Variants in GNA14 observed in about 807,000 individuals in gnomAD.
GNA14 encodes G protein subunit alpha 14.
GNA14 carries 50 observed loss-of-function variants against 42.0 expected under a neutral mutation model. The ratio of observed to expected loss-of-function variants is 1.19; its 90% confidence interval spans 0.95 to 1.51. The LOEUF (loss-of-function observed/expected upper bound fraction) is 1.51, where lower values mean the gene tolerates loss of function less well. Among genes scored for constraint, GNA14 ranks in the 40% most tolerant of loss-of-function variants. The probability of loss-of-function intolerance (pLI) is 0.00; values close to 1 mark genes in which losing one functional copy is unlikely to be tolerated. For missense variants in GNA14, 473 were observed against 446.2 expected (o/e 1.06, Z -0.54); for synonymous variants, 173 against 163.1 (o/e 1.06, Z -0.46).
At chr9:77,552,803 A>G (rs1837801207) in intron 1 of GNA14, among the ~76,000 whole-genome samples, 1 of 152,194 alleles carries the variant, frequency 6.6e-6, no homozygotes, top group Non-Finnish European at 1.5e-5. Flanking sequence ...GCCAAATACA[A>G]TTAGTGCTAT....
chr9:77,546,739 G>A (rs1481518024), intron 1 of GNA14, among the ~76,000 whole-genome samples: 1 of 152,112 alleles, frequency 6.6e-6, no homozygotes, highest in Admixed American at 6.6e-5. Context: ...TAATTTCCAA[G>A]GGGCAACCTA....
intron 2 of GNA14, among the ~76,000 whole-genome samples, chr9:77,459,858 C>T (rs921873369): frequency 3.3e-5 from 5 of 152,164 alleles, no homozygotes; most frequent in Non-Finnish European, 1.5e-5. Flanking sequence ...GCATCTCTCG[C>T]CCACCCTCTG....
chr9:77,438,504 G>C (rs1266795044), intron 2 of GNA14, among the ~76,000 whole-genome samples: 1 of 151,910 alleles, frequency 6.6e-6, no homozygotes, highest in African/African-American at 2.4e-5. Context: ...CTGACTTCAA[G>C]TGATCCACCC....
chr9:77,616,906 G>C (rs1332849987), intron 1 of GNA14, among the ~76,000 whole-genome samples: 1 of 149,456 alleles, frequency 6.7e-6, no homozygotes, highest in African/African-American at 2.5e-5. Context: ...GTCTCACTCT[G>C]TCGCCCAGGC....
intron 5 of GNA14, among the ~76,000 whole-genome samples, chr9:77,428,150 C>G (rs1339219055): frequency 6.8e-6 from 1 of 146,524 alleles, no homozygotes; most frequent in East Asian, 2.0e-4. Context: ...GCGATCTCGG[C>G]TCACTGCAAG....
chr9:77,534,785 A>G (rs1281859092), intron 1 of GNA14, among the ~76,000 whole-genome samples: 1 of 152,036 alleles, frequency 6.6e-6, no homozygotes, highest in African/African-American at 2.4e-5. Flanking sequence ...GTTTCCTGAT[A>G]TCTTTGGAGC....
At chr9:77,571,669 A>G (rs989391077) in intron 1 of GNA14, among the ~76,000 whole-genome samples, 3 of 151,862 alleles carry the variant, frequency 2.0e-5, no homozygotes, top group Non-Finnish European at 2.9e-5. Context: ...GCTTGGTGGC[A>G]TATGCCTGTA....
chr9:77,496,821 C>G (rs1452137024), intron 2 of GNA14, among the ~76,000 whole-genome samples: 4 of 152,196 alleles, frequency 2.6e-5, no homozygotes, highest in Non-Finnish European at 5.9e-5. Flanking sequence ...ATGCTTCACT[C>G]ATGGTATGCT....
intron 1 of GNA14, among the ~76,000 whole-genome samples, chr9:77,541,978 T>C (rs1328008000): frequency 1.3e-5 from 2 of 152,338 alleles, no homozygotes; most frequent in Non-Finnish European, 2.9e-5. Flanking sequence ...AATTCTCTTG[T>C]ATCTCACTGA....
chr9:77,530,565 T>C (rs1228451720), intron 1 of GNA14, among the ~76,000 whole-genome samples: 2 of 152,200 alleles, frequency 1.3e-5, no homozygotes, highest in Non-Finnish European at 2.9e-5. Flanking sequence ...AAACCTAAGA[T>C]TCTAATTGGT....
chr9:77,428,073 T>C (rs1835480212), intron 5 of GNA14, among the ~76,000 whole-genome samples: 1 of 144,674 alleles, frequency 6.9e-6, no homozygotes. Flanking sequence ...CATTTTTTCT[T>C]TTTTTTTTTC....
At chr9:77,480,524 C>T (rs1587788723) in intron 2 of GNA14, among the ~76,000 whole-genome samples, 1 of 152,100 alleles carries the variant, frequency 6.6e-6, no homozygotes, top group East Asian at 1.9e-4. Flanking sequence ...TTGGTTGTGT[C>T]TCTGCCAGGC....
At chr9:77,616,586 G>A (rs138629903) in intron 1 of GNA14, among the ~76,000 whole-genome samples, 1 of 152,344 alleles carries the variant, frequency 6.6e-6, no homozygotes, top group East Asian at 1.9e-4. Flanking sequence ...CGAGGTACAG[G>A]CATGCTGATG....
At chr9:77,625,440 T>C (rs1823998387) in intron 1 of GNA14, among the ~76,000 whole-genome samples, 1 of 151,112 alleles carries the variant, frequency 6.6e-6, no homozygotes, top group Non-Finnish European at 1.5e-5. Flanking sequence ...AGACAGATAG[T>C]TGTCAGGTTG....
rs1273160311 is a variant in GNA14, at chr9:77,424,099, T to A, written c.948A>T (p.Lys316Asn). 2 of 1,612,696 alleles carry A rather than the reference T, an allele frequency of 1.2e-6. No homozygotes were observed. The highest frequency in any genetic ancestry group is 1.7e-6 in the Non-Finnish European group (2 of 1,179,064). Residue 316 changes from lysine (K) to asparagine (N), a missense_variant, in exon 7 of 7, where the codon AAA becomes AAT. Physicochemically the swap from Lys to Asn is moderately conservative, Grantham distance 94 (BLOSUM62 0). Transcript: ENST00000341700. ...LKLYQDQNPD[K>N]EKVIYSHFTC... ...TGAAGTGAGAGTAGATGACTTTCTCTTTGTCAGGATTCTGATCTTGGTAAA... is the reference window on the plus strand; with the variant it reads ...TGAAGTGAGAGTAGATGACTTTCTCATTGTCAGGATTCTGATCTTGGTAAA...
At chr9:77,542,421 G>A (rs1837671723) in intron 1 of GNA14, among the ~76,000 whole-genome samples, 1 of 152,166 alleles carries the variant, frequency 6.6e-6, no homozygotes, top group African/African-American at 2.4e-5. Context: ...CCTTAGTGGT[G>A]GGAGCAGTGA....
intron 3 of GNA14, among the ~76,000 whole-genome samples, chr9:77,433,024 G>A (rs896003177): frequency 2.0e-5 from 3 of 152,162 alleles, no homozygotes; most frequent in Admixed American, 1.3e-4. Context: ...AAACATTCCT[G>A]TACTTAGATT....
At chr9:77,645,126 A>T (rs776814045) in intron 1 of GNA14, among the ~76,000 whole-genome samples, 1 of 152,218 alleles carries the variant, frequency 6.6e-6, no homozygotes, top group African/African-American at 2.4e-5. Flanking sequence ...AAACATCCTC[A>T]CATCATTTTT....
At position 77,510,076 on chromosome 9, in the gene GNA14, A is replaced by G. The variant is rs77910157; in HGVS notation, c.309+18993T>C. ...CAAAATAATTTTTAGAGCATTTTCA[A>G]TCATCCTCAGAAGAAACCATATATC... On this transcript the variant is annotated intron_variant, in intron 2 of 6. Transcript: ENST00000341700. Among the ~76,000 whole-genome samples, 993 of 152,292 alleles carry G rather than the reference A, an allele frequency of 6.5e-3. 5 individuals are homozygous for G. Among genetic ancestry groups the G allele is most frequent in the Middle Eastern group, 0.024 (7 of 294 alleles).
Sources: allele counts gnomAD v4.1 joint callset (sites outside exome capture counted in the v4.1 genomes callset), GRCh38; gene constraint gnomAD v4.1.1; transcripts MANE v1.5; gene names NCBI Gene and HGNC (gene_info 2026-07-23, HGNC 2026-07-21).